TYR: variants seen among roughly 807,000 people sequenced by gnomAD.
TYR encodes tyrosinase.
A neutral mutation model predicts 51.5 loss-of-function variants in TYR; 58 were observed. The observed-to-expected ratio is 1.13, with a 90% CI of 0.91 to 1.40. The LOEUF (loss-of-function observed/expected upper bound fraction) is 1.40, where lower values mean the gene tolerates loss of function less well. Among genes scored for constraint, TYR ranks in the 40% most tolerant of loss-of-function variants. The probability of loss-of-function intolerance (pLI) is 0.00; values close to 1 mark genes in which losing one functional copy is unlikely to be tolerated. For synonymous variants in TYR, 263 were observed against 235.2 expected (o/e 1.12, Z -1.08); for missense variants, 732 against 647.4 (o/e 1.13, Z -1.42).
intron 2 of TYR, among the ~76,000 whole-genome samples, chr11:89,217,477 A>G (rs1326595351): frequency 6.6e-6 from 1 of 152,202 alleles, no homozygotes; most frequent in Admixed American, 6.5e-5. Flanking sequence ...GGAGAATTGT[A>G]CATGAGAAAT....
At chr11:89,209,156 C>A (rs1943715806) in intron 2 of TYR, among the ~76,000 whole-genome samples, 1 of 152,196 alleles carries the variant, frequency 6.6e-6, no homozygotes, top group South Asian at 2.1e-4. Context: ...CTGGGAAGCA[C>A]AAGGGGTTGG....
chr11:89,228,767 A>G (rs1410302652), intron 3 of TYR, among the ~76,000 whole-genome samples: 2 of 152,148 alleles, frequency 1.3e-5, no homozygotes, highest in Non-Finnish European at 2.9e-5. Context: ...GCCTTCTTCC[A>G]TTACATTTGT....
intron 3 of TYR, 134 bp downstream of exon 3, chr11:89,228,104 A>G (rs1944000569): frequency 9.5e-7 from 1 of 1,050,288 alleles, no homozygotes; most frequent in Non-Finnish European, 1.4e-6. Context: ...GTTGTCACCA[A>G]AACAGACCTT....
At chr11:89,193,819 CA>C (rs1943480389) in intron 2 of TYR, among the ~76,000 whole-genome samples, 1 of 152,116 alleles carries the variant, frequency 6.6e-6, no homozygotes, top group Non-Finnish European at 1.5e-5. Context: ...AAAAGCAATA[CA>C]AAAAACATGA....
At chr11:89,279,819 C>T (rs1302965199) in intron 3 of TYR, among the ~76,000 whole-genome samples, 1 of 151,714 alleles carries the variant, frequency 6.6e-6, no homozygotes, top group Admixed American at 6.6e-5. Context: ...TGTTTTTATA[C>T]TGCACTCTTT....
At chr11:89,230,479 T>G (rs1313459252) in intron 3 of TYR, among the ~76,000 whole-genome samples, 1 of 152,074 alleles carries the variant, frequency 6.6e-6, no homozygotes, top group Non-Finnish European at 1.5e-5. Flanking sequence ...GGCAATGATT[T>G]TTTTGGAGAG....
intron 3 of TYR, among the ~76,000 whole-genome samples, chr11:89,266,490 A>G (rs1465654830): frequency 6.6e-6 from 1 of 151,866 alleles, no homozygotes; most frequent in Admixed American, 6.6e-5. Context: ...TAGCCCCATC[A>G]TATGTATTGG....
At chr11:89,215,547 T>A (rs1467345621) in intron 2 of TYR, among the ~76,000 whole-genome samples, 1 of 141,658 alleles carries the variant, frequency 7.1e-6, no homozygotes, top group East Asian at 2.0e-4. Flanking sequence ...ATAAAAATTA[T>A]TGCTTTGGCA....
Position 89,266,100 on chromosome 11 carries a change from C to T in TYR, c.1185-18673C>T, listed in dbSNP as rs183284847. Reference sequence around the variant, plus strand: ...AGATCATTTGTTGTGATTAAGATGTCAGGTTGTCAGCTTCAGTTGAATTTG... The same window carrying T: ...AGATCATTTGTTGTGATTAAGATGTTAGGTTGTCAGCTTCAGTTGAATTTG... On this transcript the variant is annotated intron_variant, in intron 3 of 4. Coordinates refer to ENST00000263321, the MANE Select transcript of TYR (RefSeq NM_000372.5). Among the ~76,000 whole-genome samples, 5 of 152,090 alleles carry T rather than the reference C, an allele frequency of 3.3e-5. No individual in the cohort carries two copies. The East Asian group carries it at 9.7e-4, about 30-fold the overall frequency.
At chr11:89,183,173 C>A (rs1171504811) in intron 1 of TYR, among the ~76,000 whole-genome samples, 1 of 152,000 alleles carries the variant, frequency 6.6e-6, no homozygotes, top group Non-Finnish European at 1.5e-5. Flanking sequence ...ATTGCTATTT[C>A]TTTAAATTTA....
At chr11:89,201,810 T>C (rs1242443151) in intron 2 of TYR, among the ~76,000 whole-genome samples, 1 of 152,236 alleles carries the variant, frequency 6.6e-6, no homozygotes, top group East Asian at 1.9e-4. Context: ...CCCCATTTTG[T>C]TAAGCAATAA....
At chr11:89,290,083 T>C (rs1406865313) in intron 4 of TYR, among the ~76,000 whole-genome samples, 4 of 152,030 alleles carry the variant, frequency 2.6e-5, no homozygotes, top group African/African-American at 7.2e-5. Context: ...GGCATGTTAA[T>C]GCACTTTGGA....
At chr11:89,260,380 G>C (rs555889540) in intron 3 of TYR, among the ~76,000 whole-genome samples, 1 of 152,096 alleles carries the variant, frequency 6.6e-6, no homozygotes, top group Non-Finnish European at 1.5e-5. Context: ...CAGAAACTAT[G>C]AAGGCCAGAA....
chr11:89,228,007 G>T, intron 3 of TYR, 37 bp downstream of exon 3: 2 of 1,608,992 alleles, frequency 1.2e-6, no homozygotes, highest in Non-Finnish European at 8.5e-7. Context: ...CGTGCTCATT[G>T]GATTTAAATA....
intron 2 of TYR, among the ~76,000 whole-genome samples, chr11:89,213,131 AAGGG>A (rs1943783888): frequency 6.6e-6 from 1 of 152,204 alleles, no homozygotes; most frequent in Non-Finnish European, 1.5e-5. Flanking sequence ...TTGAAATAGG[AAGGG>A]AGGAAGTCCA....
intron 3 of TYR, among the ~76,000 whole-genome samples, chr11:89,247,217 C>A (rs397843528): frequency 6.6e-6 from 1 of 152,142 alleles, no homozygotes; most frequent in Non-Finnish European, 1.5e-5. Context: ...GTCCATCTCT[C>A]CCACTAAATC....
chr11:89,184,698 T>C (rs555272389), intron 1 of TYR, among the ~76,000 whole-genome samples: 100 of 152,316 alleles, frequency 6.6e-4, no homozygotes, highest in African/African-American at 2.1e-3. Flanking sequence ...TCGTATATTA[T>C]GTCATAGTAC....
At chr11:89,291,284 G>A (rs1242197787) in intron 4 of TYR, among the ~76,000 whole-genome samples, 1 of 152,022 alleles carries the variant, frequency 6.6e-6, no homozygotes, top group East Asian at 1.9e-4. Flanking sequence ...CCTTCAAGGA[G>A]CCATTTTAAT....
intron 3 of TYR, among the ~76,000 whole-genome samples, chr11:89,251,272 G>T (rs148386146): frequency 6.6e-6 from 1 of 151,866 alleles, no homozygotes; most frequent in African/African-American, 2.4e-5. Context: ...TCCTTTACCA[G>T]ATTATTCATA....
Sources: allele counts gnomAD v4.1 joint callset (sites outside exome capture counted in the v4.1 genomes callset), GRCh38; gene constraint gnomAD v4.1.1; transcripts MANE v1.5; gene names NCBI Gene and HGNC (gene_info 2026-07-23, HGNC 2026-07-21).